CCNJL: variants seen among roughly 807,000 people sequenced by gnomAD.
The protein encoded by CCNJL is cyclin J like.
A neutral mutation model predicts 33.4 loss-of-function variants in CCNJL; 33 were observed. The ratio of observed to expected loss-of-function variants is 0.99; its 90% CI spans 0.75 to 1.32. The LOEUF (loss-of-function observed/expected upper bound fraction) is 1.32. CCNJL is among the 40% of genes most tolerant of loss of function. The pLI is 0.00. For synonymous variants in CCNJL, 227 were observed against 220.9 expected (o/e 1.03, Z -0.24); for missense variants, 512 against 499.7 (o/e 1.02, Z -0.23).
Position 160,297,228 on chromosome 5 carries a change from ACAGGTCTTG to A in CCNJL, c.66+14621_66+14629del, listed in dbSNP as rs201675237. On this transcript the variant is annotated intron_variant, in intron 2 of 5. Transcript: ENST00000257536. ...ATGGTTTCTCCTGGCAGAGCCTCCC[ACAGGTCTTG>A]CAGATTACACATGAGGCTCACTAAA... 7.5e-3 allele frequency among the ~76,000 whole-genome samples: 1,139 copies of A among 152,320 alleles called. 16 individuals are homozygous for A. Among genetic ancestry groups the A allele is most frequent in the African/African-American group, 0.026 (1,084 of 41,572 alleles).
chr5:160,253,231 G>T lies in CCNJL; in HGVS notation c.*147C>A. 1.5e-6 allele frequency: 1 copy of T among 682,488 alleles called. No homozygotes were observed. Among genetic ancestry groups the T allele is most frequent in the Non-Finnish European group, 2.3e-6 (1 of 437,388 alleles). The allele number at this position is 682,488 out of a possible 1,614,324, so 42.3% of individuals were successfully genotyped here. On this transcript the variant is annotated 3_prime_UTR_variant, in exon 6 of 6. Transcript: ENST00000257536. ...TTATTGAATGTTTTGCTCTGGGTCAGTTTTATTTAAAAGGAGCACAGACCC... is the reference window on the plus strand; with the variant it reads ...TTATTGAATGTTTTGCTCTGGGTCATTTTTATTTAAAAGGAGCACAGACCC...
At position 160,280,508 on chromosome 5, in the gene CCNJL, C is replaced by T. The variant is rs757875700; in HGVS notation, c.280+17G>A. The T allele has an allele frequency of 1.8e-5, 29 of 1,603,584 alleles. No homozygotes were observed. The South Asian group carries it at 2.4e-4, about 13-fold the overall frequency. ...GAGACCGCACAAGCGCGGAGGAAGACGTAGGTTTTCGCTTACTTGCAAGCA... is the reference window on the plus strand; with the variant it reads ...GAGACCGCACAAGCGCGGAGGAAGATGTAGGTTTTCGCTTACTTGCAAGCA... On this transcript the variant is annotated intron_variant, in intron 3 of 5. Transcript: ENST00000257536.
At chr5:160,297,942 C>T (rs911770204) in intron 2 of CCNJL, among the ~76,000 whole-genome samples, 5 of 152,164 alleles carry the variant, frequency 3.3e-5, no homozygotes, top group African/African-American at 1.2e-4. Context: ...TCTCACCTAG[C>T]TTGGTGGCTG....
At chr5:160,286,531 G>A (rs569196587) in intron 2 of CCNJL, among the ~76,000 whole-genome samples, 5 of 152,198 alleles carry the variant, frequency 3.3e-5, no homozygotes, top group South Asian at 2.1e-4. Context: ...CCAGTTACAC[G>A]GGAGGCTGAG....
At position 160,253,353 on chromosome 5, in the gene CCNJL, C is replaced by T. The variant is rs1474754635; in HGVS notation, c.*25G>A. 2.6e-6 allele frequency: 4 copies of T among 1,545,106 alleles called. 1 individual carries two copies. The stretch of plus-strand genomic sequence containing the variant: ...TCTTCCTCTGCCCACATCTCCAAGG[C>T]TTCCTCGTGAGGTCTGGAGGTGGCC... On this transcript the variant is annotated 3_prime_UTR_variant, in exon 6 of 6. Coordinates refer to ENST00000257536, the MANE Select transcript of CCNJL (RefSeq NM_001308173.3).
intron 1 of CCNJL, among the ~76,000 whole-genome samples, chr5:160,331,033 C>G (rs1257713728): frequency 6.6e-6 from 1 of 152,084 alleles, no homozygotes; most frequent in Admixed American, 6.6e-5. Context: ...CCCCTGTCCT[C>G]TAATCCCCTG....
chr5:160,255,312 C>CA (rs201717811), intron 5 of CCNJL: 5,037 of 291,916 alleles, frequency 0.017, 26 homozygotes, highest in African/African-American at 0.036. Flanking sequence ...GACTCTGTCT[C>CA]AAAAAAAAAA....
intron 2 of CCNJL, 113 bp downstream of exon 2, chr5:160,311,745 A>G (rs1362331401): frequency 3.0e-6 from 3 of 1,015,970 alleles, no homozygotes; most frequent in Non-Finnish European, 4.7e-6. Flanking sequence ...GTAAGAGGAA[A>G]AAAAGGCACC....
rs1561812844 is a variant in CCNJL at position 160,321,058 on chromosome 5, CTTT to C, written n.207-5556_207-5554del. Among the ~76,000 whole-genome samples the C allele has an allele frequency of 3.4e-3, 405 of 120,870 alleles. 8 individuals carry two copies. Among genetic ancestry groups the C allele is most frequent in the African/African-American group, 0.011 (249 of 23,630 alleles). The allele number at this position is 120,870 out of a possible 152,430, so 79.3% of individuals were successfully genotyped here. ...TCTTTCTTTCTTTCTTTCTTTCTTTCTTTCTTTCTTTCTTTCTTTCTTTCTTTC... is the reference window on the plus strand; with the variant it reads ...TCTTTCTTTCTTTCTTTCTTTCTTTCCTTTCTTTCTTTCTTTCTTTCTTTC... On this transcript the variant is annotated intron_variant and non_coding_transcript_variant, in intron 1 of 7. Coordinates refer to the CCNJL transcript ENST00000377503.
intron 2 of CCNJL, among the ~76,000 whole-genome samples, chr5:160,284,898 A>C (rs1171039420): frequency 6.6e-6 from 1 of 152,008 alleles, no homozygotes; most frequent in Non-Finnish European, 1.5e-5. Context: ...GCTTGGGCTT[A>C]CCAGAAAACT....
chr5:160,280,934 T>TA, intron 2 of CCNJL, 196 bp from the exon 3 acceptor site: 1 of 689,340 alleles, frequency 1.5e-6, no homozygotes, highest in South Asian at 1.5e-5. Flanking sequence ...CACAGGCTCA[T>TA]AAAGTATCAA....
intron 1 of CCNJL, among the ~76,000 whole-genome samples, chr5:160,322,593 A>G (rs1232494617): frequency 2.0e-5 from 3 of 152,212 alleles, no homozygotes; most frequent in Admixed American, 2.0e-4. Flanking sequence ...TCTCACGAGC[A>G]TTTTTCATGA....
intron 2 of CCNJL, among the ~76,000 whole-genome samples, chr5:160,283,710 T>C (rs1362632636): frequency 6.6e-6 from 1 of 152,176 alleles, no homozygotes; most frequent in Non-Finnish European, 1.5e-5. Flanking sequence ...CAATAGTATG[T>C]CTTATTCATT....
intron 2 of CCNJL, among the ~76,000 whole-genome samples, chr5:160,298,041 G>A (rs1762804378): frequency 6.6e-6 from 1 of 152,170 alleles, no homozygotes; most frequent in Non-Finnish European, 1.5e-5. Flanking sequence ...CTCTATGTGT[G>A]CCTTATCTAA....
intron 1 of CCNJL, chr5:160,326,938 CATA>C (rs1257294785): frequency 7.9e-6 from 5 of 632,218 alleles, no homozygotes; most frequent in Non-Finnish European, 1.5e-5. Context: ...GCTAAAAGGA[CATA>C]ATATTACTCT....
Position 160,280,507 on chromosome 5 carries a change from A to G in CCNJL, c.280+18T>C. On this transcript the variant is annotated intron_variant, in intron 3 of 5. Coordinates refer to ENST00000257536, the MANE Select transcript of CCNJL (RefSeq NM_001308173.3). ...GGAGACCGCACAAGCGCGGAGGAAGACGTAGGTTTTCGCTTACTTGCAAGC... is the reference window on the plus strand; with the variant it reads ...GGAGACCGCACAAGCGCGGAGGAAGGCGTAGGTTTTCGCTTACTTGCAAGC... The G allele has an allele frequency of 6.2e-7, 1 of 1,601,750 alleles. No homozygotes were observed. Among genetic ancestry groups the G allele is most frequent in the South Asian group, 1.1e-5 (1 of 90,820 alleles).
At position 160,328,192 on chromosome 5, in the gene CCNJL, C is replaced by T. The variant is rs146250088; in HGVS notation, n.206+11253G>A. ...AGATTGTGAGGGACTTTCCTGTAAC[C>T]CAGGTATACTGATTTGGGACTTTAT... On this transcript the variant is annotated intron_variant and non_coding_transcript_variant, in intron 1 of 7. Transcript: ENST00000377503. Among the ~76,000 whole-genome samples the T allele has an allele frequency of 4.8e-3, 732 of 152,252 alleles. 9 individuals are homozygous for T. The highest frequency in any genetic ancestry group is 0.016 in the African/African-American group (668 of 41,546).
chr5:160,270,435 T>C (rs964588701), intron 3 of CCNJL, among the ~76,000 whole-genome samples: 1 of 148,826 alleles, frequency 6.7e-6, no homozygotes, highest in Non-Finnish European at 1.5e-5. Flanking sequence ...CAGAGCAAAA[T>C]GGTGTCTCGA....
intron 2 of CCNJL, among the ~76,000 whole-genome samples, chr5:160,302,834 T>A (rs1762966342): frequency 1.3e-5 from 2 of 151,410 alleles, no homozygotes; most frequent in South Asian, 4.2e-4. Flanking sequence ...AAAATAATAA[T>A]AATAAAATAA....
Sources: gnomAD v4.1 joint callset for allele counts (sites outside exome capture counted in the v4.1 genomes callset) on GRCh38, gnomAD v4.1.1 for gene constraint, MANE v1.5 for transcripts, NCBI Gene and HGNC (gene_info 2026-07-23, HGNC 2026-07-21) for gene names.